The following ITGA11 variants were observed in gnomAD, a reference collection of about 807,000 sequenced individuals.
The protein encoded by ITGA11 is integrin alpha-11.
ITGA11 carries 97 observed loss-of-function variants against 141.9 expected under a neutral mutation model. The observed-to-expected ratio is 0.68, with a 90% confidence interval of 0.58 to 0.81. The LOEUF is 0.81. ITGA11 is among the 30% of genes least tolerant of loss of function. The pLI, the probability that ITGA11 is intolerant of heterozygous loss-of-function variation, is 0.00. For synonymous variants in ITGA11, 658 were observed against 624.6 expected (o/e 1.05, Z -0.80); for missense variants, 1,387 against 1,559.2 (o/e 0.89, Z 1.86).
rs1433184770 is a variant in ITGA11, at chr15:68,300,381, T to C, written c.*2678A>G. On this transcript the variant is annotated 3_prime_UTR_variant, in exon 30 of 30. Coordinates refer to ENST00000315757, the MANE Select transcript of ITGA11 (RefSeq NM_001004439.2). ...CAGCCATTAGAGTCATCTGGGGAAG[T>C]TGGAAACAAACTTGGCCCCTCTCCC... is the stretch of plus-strand genomic sequence containing the variant. 9.2e-5 allele frequency: 14 copies of C among 152,168 alleles called. No individual in the cohort carries two copies. The highest frequency in any genetic ancestry group is 8.5e-4 in the Admixed American group (13 of 15,274). 9.4% of individuals were successfully genotyped at this position (152,168 alleles called of 1,614,324 possible).
intron 11 of ITGA11, 60 bp downstream of exon 11, chr15:68,339,440 A>G (rs1187665598): frequency 6.5e-7 from 1 of 1,549,452 alleles, no homozygotes; most frequent in Non-Finnish European, 8.7e-7. Context: ...GGGGTTGTGC[A>G]GCCCCTGGGT....
rs1195025690 is a variant in ITGA11, at chr15:68,361,616, G to A, written c.446C>T (p.Ser149Phe). The change falls in exon 5 of 30, where the codon TCC becomes TTC. Residue 149 changes from serine (S) to phenylalanine (F), a missense_variant. Ser to Phe is a radical substitution (Grantham distance 155). Transcript: ENST00000315757. ...CSRVNSNFRF[S>F]KTVAPALQRC... is the part of the protein sequence containing the mutation. ...TTGGAGAGCTGGGGCCACGGTCTTG[G>A]AGAACCTGAAGTTGGAGTTGACTCT... 6.8e-6 allele frequency: 11 copies of A among 1,608,668 alleles called. No homozygotes were observed. The highest frequency in any genetic ancestry group is 9.3e-6 in the Non-Finnish European group (11 of 1,177,596).
intron 12 of ITGA11, among the ~76,000 whole-genome samples, chr15:68,334,091 T>C (rs749508177): frequency 3.3e-5 from 5 of 152,202 alleles, no homozygotes; most frequent in Admixed American, 2.0e-4. Flanking sequence ...AGCTCCATAC[T>C]CCTCCCACCA....
At chr15:68,424,469 C>CA (rs761168940) in intron 1 of ITGA11, among the ~76,000 whole-genome samples, 34 of 152,230 alleles carry the variant, frequency 2.2e-4, no homozygotes, top group Admixed American at 1.4e-3. Context: ...TGGACAGCTT[C>CA]AAAAAATGTC....
chr15:68,331,972 T>C lies in ITGA11; in HGVS notation c.1657A>G (p.Asn553Asp). 1 of 1,613,298 alleles carries C rather than the reference T, an allele frequency of 6.2e-7. No homozygotes were observed. Among genetic ancestry groups the C allele is most frequent in the Non-Finnish European group, 8.5e-7 (1 of 1,179,654 alleles). The stretch of plus-strand genomic sequence containing the variant: ...ACCACGTCATTGTAGGAATCCTGGT[T>C]GAGGTCTCGAACTGAGGCAATGGAG... ...GSSIASVRDL[N>D]QDSYNDVVVG... Residue 553 changes from asparagine (N) to aspartate (D), a missense_variant, in exon 14 of 30, where the codon AAC (asparagine) becomes GAC (aspartate). By Grantham distance (23) the Asn-to-Asp change is conservative. Coordinates refer to ENST00000315757, the MANE Select transcript of ITGA11 (RefSeq NM_001004439.2).
chr15:68,394,199 G>C (rs992338608), intron 2 of ITGA11, among the ~76,000 whole-genome samples: 8 of 152,152 alleles, frequency 5.3e-5, no homozygotes, highest in Non-Finnish European at 4.4e-5. Context: ...ATAACAAGCA[G>C]TGAGATTGAA....
At chr15:68,405,905 C>G (rs7177979) in intron 1 of ITGA11, among the ~76,000 whole-genome samples, 1 of 151,882 alleles carries the variant, frequency 6.6e-6, no homozygotes. Flanking sequence ...CATGTATGCA[C>G]GCACGTGCAC....
intron 1 of ITGA11, among the ~76,000 whole-genome samples, chr15:68,412,657 G>T (rs1335271479): frequency 6.7e-6 from 1 of 148,442 alleles, no homozygotes; most frequent in African/African-American, 2.5e-5. Flanking sequence ...TAGGGAGGGG[G>T]AACTTATTCG....
In ITGA11 at chr15:68,403,016, G is replaced by A. The variant is rs1896547926; in HGVS notation, c.66C>T (p.Thr22=). 5 of 1,612,642 alleles carry A rather than the reference G, an allele frequency of 3.1e-6. No individual in the cohort carries two copies. The highest frequency in any genetic ancestry group is 4.2e-6 in the Non-Finnish European group (5 of 1,179,006). ...GGGGCTTCCTGGTGTCCATGTTGAAGGTGTCCGTGAACCCTGAGGCAGGGG... is the reference window on the plus strand; with the variant it reads ...GGGGCTTCCTGGTGTCCATGTTGAAAGTGTCCGTGAACCCTGAGGCAGGGG... ...ALSLWPGFTD[T]FNMDTRKPRV... The change falls in exon 2 of 30, where the codon ACC becomes ACT. Residue 22 remains threonine (T), a synonymous_variant. Coordinates refer to ENST00000315757, the MANE Select transcript of ITGA11 (RefSeq NM_001004439.2).
chr15:68,418,478 GA>G (rs1896940464), intron 1 of ITGA11, among the ~76,000 whole-genome samples: 1 of 152,142 alleles, frequency 6.6e-6, no homozygotes, highest in South Asian at 2.1e-4. Context: ...CCTTATCTGT[GA>G]AAGGCACACA....
chr15:68,350,873 T>G, intron 8 of ITGA11, 91 bp from the exon 9 acceptor site: 1 of 1,374,376 alleles, frequency 7.3e-7, no homozygotes. Context: ...GACCCCAGGG[T>G]GGGCTGGAGC....
chr15:68,431,989 A>AG, intron 1 of ITGA11, 26 bp downstream of exon 1: 1 of 1,296,032 alleles, frequency 7.7e-7, no homozygotes. Flanking sequence ...CCGAGAGGCA[A>AG]GGGGAGGCAG....
At chr15:68,404,171 C>G (rs1896582055) in intron 1 of ITGA11, among the ~76,000 whole-genome samples, 1 of 152,112 alleles carries the variant, frequency 6.6e-6, no homozygotes, top group Admixed American at 6.5e-5. Flanking sequence ...TTACCGCCTC[C>G]CCTATCTGCT....
chr15:68,411,544 G>A (rs978825883), intron 1 of ITGA11, among the ~76,000 whole-genome samples: 9 of 152,314 alleles, frequency 5.9e-5, no homozygotes, highest in East Asian at 1.9e-4. Context: ...AGAGGAAGCC[G>A]CTCTATGGCA....
At position 68,300,958 on chromosome 15, in the gene ITGA11, TTA is replaced by T. The variant is rs1595845412; in HGVS notation, c.*2099_*2100del. 2 of 152,234 alleles carry T rather than the reference TTA, an allele frequency of 1.3e-5. No homozygotes were observed. The highest frequency in any genetic ancestry group is 2.9e-5 in the Non-Finnish European group (2 of 68,034). 9.4% of individuals were successfully genotyped at this position (152,234 alleles called of 1,614,324 possible). A position where few individuals can be genotyped will look rare whatever the true frequency, so the allele number is the denominator to read the frequency against. ...GACTTGGTGCTAAGTCAATGAAAACTTATGAGTGTGGGTTCATTAATTCTCAT... is the reference window on the plus strand; with the variant it reads ...GACTTGGTGCTAAGTCAATGAAAACTTGAGTGTGGGTTCATTAATTCTCAT... On this transcript the variant is annotated 3_prime_UTR_variant, in exon 30 of 30. Transcript: ENST00000315757.
intron 22 of ITGA11, 124 bp downstream of exon 22, chr15:68,315,527 T>TGGGGCAGTGGGGGAC (rs1232019579): frequency 2.4e-6 from 2 of 839,706 alleles, no homozygotes; most frequent in East Asian, 5.3e-5. Context: ...CACTCAAGGT[T>TGGGGCAGTGGGGGAC]GGGGCAGTGG....
chr15:68,331,207 C>A, intron 14 of ITGA11, 96 bp from the exon 15 acceptor site: 2 of 1,195,988 alleles, frequency 1.7e-6, no homozygotes, highest in Non-Finnish European at 2.4e-6. Flanking sequence ...CAATAGGGAG[C>A]CTGTGTGAAA....
rs182615237 is a variant in ITGA11 at position 68,391,664 on chromosome 15, A to G, written c.164+11254T>C. On this transcript the variant is annotated intron_variant, in intron 2 of 29. Coordinates refer to ENST00000315757, the MANE Select transcript of ITGA11 (RefSeq NM_001004439.2). Reference sequence around the variant, plus strand: ...AGGGTAAGGTCATTTTAGGCTAGGAAAAGGATTCAGAAAGCCTTCATGGAG... The same window carrying G: ...AGGGTAAGGTCATTTTAGGCTAGGAGAAGGATTCAGAAAGCCTTCATGGAG... 1.4e-3 allele frequency among the ~76,000 whole-genome samples: 210 copies of G among 152,320 alleles called. 1 individual carries two copies. The highest frequency in any genetic ancestry group is 2.7e-3 in the Admixed American group (41 of 15,302).
intron 2 of ITGA11, among the ~76,000 whole-genome samples, chr15:68,372,264 C>T (rs1180384492): frequency 2.0e-5 from 3 of 152,158 alleles, no homozygotes; most frequent in East Asian, 1.9e-4. Context: ...ACTGCCGAAG[C>T]GCAGGGAAAA....
Sources: allele counts gnomAD v4.1 joint callset (sites outside exome capture counted in the v4.1 genomes callset), GRCh38; gene constraint gnomAD v4.1.1; transcripts MANE v1.5; gene names NCBI Gene and HGNC (gene_info 2026-07-23, HGNC 2026-07-21).